SGSM2: variants seen among roughly 807,000 people sequenced by gnomAD.
SGSM2 encodes RUN and TBC1 domain containing 1.
In SGSM2, 89 loss-of-function variants were observed where a neutral mutation model predicts 126.6. The ratio of observed to expected loss-of-function variants is 0.70; its 90% CI spans 0.59 to 0.84. SGSM2 has a LOEUF of 0.84. Among genes scored for constraint, SGSM2 ranks in the 40% least tolerant of loss-of-function variants. SGSM2 has a pLI of 0.00. For synonymous variants in SGSM2, 614 were observed against 574.3 expected, an observed-to-expected ratio of 1.07 and a Z score of -0.99; for missense variants, 1,404 against 1,416.6, an observed-to-expected ratio of 0.99 and a Z score of 0.14.
chr17:2,361,051 CTG>C (rs2065287656), intron 2 of SGSM2, among the ~76,000 whole-genome samples: 2 of 152,194 alleles, frequency 1.3e-5, no homozygotes, highest in Non-Finnish European at 2.9e-5. Flanking sequence ...CAGGGTCTGT[CTG>C]TGGAAAGTCC....
At chr17:2,373,753 A>C (rs1001822195) in intron 17 of SGSM2, 122 of 512,860 alleles carry the variant, frequency 2.4e-4, no homozygotes, top group Non-Finnish European at 3.4e-4. Context: ...AGCCAACTAT[A>C]GGGAAAGATG....
chr17:2,361,358 G>T (rs1317529173), intron 2 of SGSM2, among the ~76,000 whole-genome samples: 2 of 152,222 alleles, frequency 1.3e-5, no homozygotes. Context: ...CCCTGAATGG[G>T]GAGCTTTGGT....
chr17:2,380,176 A>T lies in SGSM2; in HGVS notation c.*656A>T. 6.7e-7 allele frequency: 1 copy of T among 1,496,656 alleles called. No homozygotes were observed. Among genetic ancestry groups the T allele is most frequent in the Non-Finnish European group, 8.9e-7 (1 of 1,123,842 alleles). 92.7% of individuals were successfully genotyped at this position (1,496,656 alleles called of 1,614,324 possible). The stretch of plus-strand genomic sequence containing the variant: ...CCACTGCCTTTGGCCACCTGAGGTG[A>T]CCCCCAGGCCTCCCCGGCCTTGTAC... On this transcript the variant is annotated 3_prime_UTR_variant, in exon 24 of 24. Coordinates refer to ENST00000268989, the MANE Select transcript of SGSM2 (RefSeq NM_014853.3).
intron 17 of SGSM2, chr17:2,373,716 G>C (rs2065995007): frequency 1.4e-5 from 8 of 585,216 alleles, no homozygotes; most frequent in Non-Finnish European, 2.1e-5. Context: ...TAGGAATAAA[G>C]TGAGAGAGTG....
chr17:2,377,020 C>T lies in SGSM2; in HGVS notation c.2754C>T (p.Asn918=), dbSNP rs754187345. Residue 918 remains asparagine (N), a synonymous_variant, in exon 21 of 24, where the codon AAC becomes AAT. Transcript: ENST00000268989. ...LMKRMSQNFP[N]GGAMDTHFAN... ...AGAGGATGAGCCAGAACTTCCCCAA[C>T]GGGGGTGCCATGGACACCCACTTTG... The T allele has an allele frequency of 1.2e-5, 19 of 1,613,752 alleles. No homozygotes were observed. The highest frequency in any genetic ancestry group is 6.6e-5 in the South Asian group (6 of 91,078).
At position 2,377,896 on chromosome 17, in the gene SGSM2, G is replaced by GTAGGA; in HGVS notation, c.2842_2843insTAGGA (p.Gly948ValfsTer34). On this transcript the variant is annotated frameshift_variant, in exon 22 of 24. Transcript: ENST00000268989. LOFTEE classifies it high-confidence loss of function. ...GCTGTTTGAGCTGATGCATCAGAAT[G>GTAGGA]GAGACTACACCCACTTCTACTTCTG... is the stretch of plus-strand genomic sequence containing the variant. 6.2e-7 allele frequency: 1 copy of GTAGGA among 1,613,316 alleles called. No individual in the cohort carries two copies. The highest frequency in any genetic ancestry group is 1.1e-5 in the South Asian group (1 of 91,066).
Position 2,372,257 on chromosome 17 carries a change from G to T in SGSM2, c.1642+3G>T. 1 of 1,612,884 alleles carries T rather than the reference G, an allele frequency of 6.2e-7. No homozygotes were observed. Among genetic ancestry groups the T allele is most frequent in the South Asian group, 1.1e-5 (1 of 91,086 alleles). On this transcript the variant is annotated splice_donor_region_variant and intron_variant, in intron 14 of 23. Coordinates refer to ENST00000268989, the MANE Select transcript of SGSM2 (RefSeq NM_014853.3). This position sits in a 1 kb window ranked among gnomAD's most constrained non-coding sequence, Gnocchi z 6.0. Reference sequence around the variant, plus strand: ...CGTGTCCCGGGCCTTCTACGGCTGTGAGTGTGGGGCGCGCCGGGCTGTGGC... The same window carrying T: ...CGTGTCCCGGGCCTTCTACGGCTGTTAGTGTGGGGCGCGCCGGGCTGTGGC...
chr17:2,366,755 A>G (rs531452925), intron 11 of SGSM2: 1 of 152,598 alleles, frequency 6.6e-6, no homozygotes, highest in Non-Finnish European at 1.5e-5. Context: ...CAGAGGCTGA[A>G]ACTCCACCAA....
chr17:2,377,221 C>T, intron 21 of SGSM2, 153 bp downstream of exon 21: 1 of 595,428 alleles, frequency 1.7e-6, no homozygotes. Flanking sequence ...CAACGTGGCT[C>T]AGGCCTGTCA....
rs773515458 is a variant in SGSM2 at position 2,365,354 on chromosome 17, A to G, written c.1288+13A>G. 40 of 1,530,628 alleles carry G rather than the reference A, an allele frequency of 2.6e-5. No homozygotes were observed. The South Asian group carries it at 4.6e-4, about 18-fold the overall frequency. 94.8% of individuals were successfully genotyped at this position (1,530,628 alleles called of 1,614,324 possible). A position where few individuals can be genotyped will look rare whatever the true frequency, so the allele number is the denominator to read the frequency against. ...AGGCACGAGCACAGTGAGTGTCCCG[A>G]GCTTCATCCCGGGGGAGGAGAGGAA... On this transcript the variant is annotated intron_variant, in intron 11 of 23. Transcript: ENST00000268989.
At chr17:2,371,779 G>A in intron 13 of SGSM2, 1 of 380,232 alleles carries the variant, frequency 2.6e-6, no homozygotes, top group Admixed American at 4.4e-5. Context: ...CTGCTGACAG[G>A]CCGTCCACCT....
chr17:2,341,115 GT>G (rs1209975233), intron 1 of SGSM2, among the ~76,000 whole-genome samples: 1 of 151,652 alleles, frequency 6.6e-6, no homozygotes, highest in Non-Finnish European at 1.5e-5. Context: ...AATCTAGGAA[GT>G]TTTTTTTGTT....
chr17:2,363,578 G>A lies in SGSM2; in HGVS notation c.786G>A (p.Lys262=). ...QNSRTRLLYG[K]NHVLVQPKED... is the part of the protein sequence containing the mutation. ...CACGGACGCGGCTGCTCTATGGCAA[G>A]AACCACGTGCTGGTGCAGCCGGTAG... is the stretch of plus-strand genomic sequence containing the variant. The change falls in exon 7 of 24, where the codon AAG becomes AAA. Residue 262 remains lysine (K), a synonymous_variant. Transcript: ENST00000268989. This position sits in a 1 kb window ranked among gnomAD's most constrained non-coding sequence, Gnocchi z 4.2. The A allele has an allele frequency of 6.2e-7, 1 of 1,613,282 alleles. No homozygotes were observed. Among genetic ancestry groups the A allele is most frequent in the South Asian group, 1.1e-5 (1 of 91,062 alleles).
rs2066342414 is a variant in SGSM2 at position 2,379,922 on chromosome 17, G to C, written c.*402G>C. 3.8e-6 allele frequency: 5 copies of C among 1,304,894 alleles called. No individual in the cohort carries two copies. The South Asian group carries it at 8.5e-5, about 22-fold the overall frequency. 80.8% of individuals were successfully genotyped at this position (1,304,894 alleles called of 1,614,324 possible). ...ACTCAGCTGGGGTGGCAGAGGGCGA[G>C]AGGCTCTGTGCTGTGTCCCTTCTGA... On this transcript the variant is annotated 3_prime_UTR_variant, in exon 24 of 24. Coordinates refer to ENST00000268989, the MANE Select transcript of SGSM2 (RefSeq NM_014853.3).
intron 2 of SGSM2, among the ~76,000 whole-genome samples, chr17:2,344,460 G>A (rs1360467246): frequency 6.6e-6 from 1 of 152,164 alleles, no homozygotes; most frequent in African/African-American, 2.4e-5. Flanking sequence ...GAACAGATAA[G>A]GGAAGGGATG....
rs1373151068 is a variant in SGSM2 at position 2,365,223 on chromosome 17, G to A, written c.1170G>A (p.Val390=). 4.3e-6 allele frequency: 7 copies of A among 1,611,738 alleles called. No individual in the cohort carries two copies. Among genetic ancestry groups the A allele is most frequent in the Admixed American group, 1.7e-5 (1 of 59,840 alleles). The change falls in exon 11 of 24, where the codon GTG becomes GTA. Residue 390 remains valine (V), a synonymous_variant. Coordinates refer to ENST00000268989, the MANE Select transcript of SGSM2 (RefSeq NM_014853.3). The part of the protein sequence containing the change: ...PLWTQQGKGK[V]FPKLRKRSSI... ...TACCCCTCCTTCCACAGGGGAAAGT[G>A]TTCCCCAAGCTACGGAAACGAAGCA...
Position 2,362,076 on chromosome 17 carries a change from A to G in SGSM2, c.297-33A>G. 1.3e-6 allele frequency: 2 copies of G among 1,595,398 alleles called. No individual in the cohort carries two copies. The highest frequency in any genetic ancestry group is 1.7e-6 in the Non-Finnish European group (2 of 1,172,894). On this transcript the variant is annotated intron_variant, in intron 3 of 23. Transcript: ENST00000268989. The surrounding 1 kb of genome is among the most constrained non-coding windows in gnomAD (Gnocchi z 4.9). ...GCATTCTGGGGTTTACCCCTAGACC[A>G]CTGCACTCCTGGAGCCCTCCCCGCC...
In SGSM2 at chr17:2,372,565, G is replaced by T; in HGVS notation, c.1788+77G>T. ...GAGTGAGGGCTTCAGGGTAAAATGT[G>T]CCAGTGGGTGCGGTTGACAGGCCAG... On this transcript the variant is annotated intron_variant, in intron 15 of 23. Coordinates refer to ENST00000268989, the MANE Select transcript of SGSM2 (RefSeq NM_014853.3). The surrounding 1 kb of genome is among the most constrained non-coding windows in gnomAD (Gnocchi z 6.0). 1 of 1,546,018 alleles carries T rather than the reference G, an allele frequency of 6.5e-7. No individual in the cohort carries two copies. Among genetic ancestry groups the T allele is most frequent in the Non-Finnish European group, 8.7e-7 (1 of 1,144,762 alleles).
intron 12 of SGSM2, among the ~76,000 whole-genome samples, chr17:2,368,010 A>G (rs559084949): frequency 8.5e-5 from 13 of 152,336 alleles, no homozygotes; most frequent in African/African-American, 2.9e-4. Flanking sequence ...GGAAGGGGCC[A>G]GGCTCAGGGC....
Sources: gnomAD v4.1 joint callset for allele counts (sites outside exome capture counted in the v4.1 genomes callset) on GRCh38, gnomAD v4.1.1 for gene constraint, Gnocchi (gnomAD v3.1) non-coding constraint, MANE v1.5 for transcripts, NCBI Gene and HGNC (gene_info 2026-07-23, HGNC 2026-07-21) for gene names.